CYP1A1: variants seen among roughly 807,000 people sequenced by gnomAD.
The protein encoded by CYP1A1 is cytochrome P450 1A1.
Under a neutral mutation model 33.6 loss-of-function variants are expected in CYP1A1, and 43 were observed. The observed-to-expected ratio is 1.28, with a 90% CI of 1.00 to 1.65. The LOEUF is 1.65. Among genes scored for constraint, CYP1A1 ranks in the 40% most tolerant of loss-of-function variants. The probability of loss-of-function intolerance (pLI) is 0.00; values close to 1 mark genes in which losing one functional copy is unlikely to be tolerated. For missense variants in CYP1A1, 637 were observed against 653.7 expected (o/e 0.97, Z 0.28); for synonymous variants, 280 against 257.8 (o/e 1.09, Z -0.83).
In CYP1A1 at chr15:74,720,527, C is replaced by T; in HGVS notation, c.1501G>A (p.Ala501Thr). The T allele has an allele frequency of 6.3e-7, 1 of 1,596,834 alleles. No individual in the cohort carries two copies. Among genetic ancestry groups the T allele is most frequent in the South Asian group, 1.1e-5 (1 of 87,256 alleles). ...TGCATTTGGAAGTGCTCACAGCAGGCATGCTTCATGGTTAGCCCATAGATG... is the reference window on the plus strand; with the variant it reads ...TGCATTTGGAAGTGCTCACAGCAGGTATGCTTCATGGTTAGCCCATAGATG... ...TPIYGLTMKHACCEHFQMQLR... is the reference protein window; with the variant it reads ...TPIYGLTMKHTCCEHFQMQLR... Residue 501 changes from alanine to threonine, a missense_variant, in exon 7 of 7, where the codon GCC becomes ACC. By Grantham distance (58) the Ala-to-Thr change is moderately conservative. Coordinates refer to ENST00000379727, the MANE Select transcript of CYP1A1 (RefSeq NM_001319217.2).
rs759604228 is a variant in CYP1A1, at chr15:74,721,277, G to A, written c.1088C>T (p.Ser363Phe). ...RSRRPRLSDR[S>F]HLPYMEAFIL... Reference sequence around the variant, plus strand: ...GAAGGCCTCCATATAGGGCAGATGGGATCTGTCAGAGAGCCGGGGCCGCCG... The same window carrying A: ...GAAGGCCTCCATATAGGGCAGATGGAATCTGTCAGAGAGCCGGGGCCGCCG... Residue 363 changes from serine (S) to phenylalanine (F), a missense_variant, in exon 5 of 7, where the codon TCC becomes TTC. Physicochemically the swap from Ser to Phe is radical, Grantham distance 155 (BLOSUM62 -2). Coordinates refer to ENST00000379727, the MANE Select transcript of CYP1A1 (RefSeq NM_001319217.2). 2 of 1,613,874 alleles carry A rather than the reference G, an allele frequency of 1.2e-6. No homozygotes were observed. Among genetic ancestry groups the A allele is most frequent in the Non-Finnish European group, 1.7e-6 (2 of 1,179,890 alleles).
intron 1 of CYP1A1, among the ~76,000 whole-genome samples, chr15:74,724,055 A>C (rs2063195179): frequency 6.6e-6 from 1 of 152,196 alleles, no homozygotes; most frequent in Admixed American, 6.5e-5. Context: ...GTTTAAAGGC[A>C]GCTGGAGACC....
intron 2 of CYP1A1, 121 bp from the exon 3 acceptor site, chr15:74,721,838 T>C: frequency 7.7e-7 from 1 of 1,291,506 alleles, no homozygotes; most frequent in East Asian, 2.3e-5. Flanking sequence ...CCTGAGGCTG[T>C]TGTCCCAGCT....
In CYP1A1 at chr15:74,722,711, T is replaced by C. The variant is rs760732132; in HGVS notation, c.387A>G (p.Pro129=). The C allele has an allele frequency of 6.2e-7, 1 of 1,613,316 alleles. No homozygotes were observed. Among genetic ancestry groups the C allele is most frequent in the African/African-American group, 1.3e-5 (1 of 75,036 alleles). The change falls in exon 2 of 7, where the codon CCA becomes CCG. Residue 129 remains proline, a synonymous_variant. Coordinates refer to ENST00000379727, the MANE Select transcript of CYP1A1 (RefSeq NM_001319217.2). Reference sequence around the variant, plus strand: ...CCAGGCGCCGGCGGGCAGCCCACACTGGTCCAGAGTCTGGGCTGAAGGACA... The same window carrying C: ...CCAGGCGCCGGCGGGCAGCCCACACCGGTCCAGAGTCTGGGCTGAAGGACA... The part of the protein sequence containing the change: ...QSMSFSPDSG[P]VWAARRRLAQ...
chr15:74,722,691 C>T lies in CYP1A1; in HGVS notation c.407G>A (p.Arg136His), dbSNP rs202201538. 2.6e-5 allele frequency: 42 copies of T among 1,613,290 alleles called. No individual in the cohort carries two copies. The highest frequency in any genetic ancestry group is 1.0e-4 in the Admixed American group (6 of 60,000). ...ACTTTTCAGGCCATTCTGGGCCAGG[C>T]GCCGGCGGGCAGCCCACACTGGTCC... ...DSGPVWAARR[R>H]LAQNGLKSFS... is the part of the protein sequence containing the mutation. The change falls in exon 2 of 7, where the codon CGC becomes CAC. Residue 136 changes from arginine (R) to histidine (H), a missense_variant. Transcript: ENST00000379727.
chr15:74,721,835 C>G, intron 2 of CYP1A1, 118 bp from the exon 3 acceptor site: 2 of 1,345,136 alleles, frequency 1.5e-6, no homozygotes, highest in Middle Eastern at 2.1e-4. Context: ...CCCCCTGAGG[C>G]TGTTGTCCCA....
chr15:74,722,416 C>A lies in CYP1A1; in HGVS notation c.682G>T (p.Val228Phe), dbSNP rs1198650373. The A allele has an allele frequency of 1.2e-6, 2 of 1,613,946 alleles. No homozygotes were observed. Among genetic ancestry groups the A allele is most frequent in the Non-Finnish European group, 8.5e-7 (1 of 1,180,014 alleles). ...VNLNNNFGEVVGSGNPADFIP... is the reference protein window; with the variant it reads ...VNLNNNFGEVFGSGNPADFIP... Reference sequence around the variant, plus strand: ...AAGTCAGCTGGGTTTCCAGAGCCAACCACCTCCCCGAAATTATTATTCAGG... The same window carrying A: ...AAGTCAGCTGGGTTTCCAGAGCCAAACACCTCCCCGAAATTATTATTCAGG... Residue 228 changes from valine to phenylalanine, a missense_variant, in exon 2 of 7, where the codon GTT becomes TTT. Val to Phe is a conservative substitution (Grantham distance 50, BLOSUM62 -1). Coordinates refer to ENST00000379727, the MANE Select transcript of CYP1A1 (RefSeq NM_001319217.2).
At chr15:74,723,328 C>A (rs956913607) in intron 1 of CYP1A1, among the ~76,000 whole-genome samples, 26 of 152,230 alleles carry the variant, frequency 1.7e-4, no homozygotes, top group African/African-American at 6.3e-4. Context: ...TCAGCCCTGG[C>A]CACAAATCTA....
Position 74,723,075 on chromosome 15 carries a change from G to A in CYP1A1, c.23C>T (p.Ser8Leu), listed in dbSNP as rs148505285. ...AGAGGCCAGAAGAAACTCCGTGGCCGACATGGAGATTGGGAAAAGCATGAT... is the reference window on the plus strand; with the variant it reads ...AGAGGCCAGAAGAAACTCCGTGGCCAACATGGAGATTGGGAAAAGCATGAT... MLFPISM[S>L]ATEFLLASVI... is the part of the protein sequence containing the mutation. Residue 8 changes from serine to leucine, a missense_variant, in exon 2 of 7, where the codon TCG (serine) becomes TTG (leucine). Coordinates refer to ENST00000379727, the MANE Select transcript of CYP1A1 (RefSeq NM_001319217.2). 1.2e-4 allele frequency: 188 copies of A among 1,592,600 alleles called. No individual in the cohort carries two copies. In the South Asian group the frequency reaches 1.3e-3, roughly 11 times the overall value.
rs771243368 is a variant in CYP1A1 at position 74,720,596 on chromosome 15, C to T, written c.1432G>A (p.Val478Met). 2.5e-6 allele frequency: 4 copies of T among 1,613,948 alleles called. No individual in the cohort carries two copies. Among genetic ancestry groups the T allele is most frequent in the Non-Finnish European group, 3.4e-6 (4 of 1,179,940 alleles). ...ACGCCCAGTGGCACGCTGAATTCCA[C>T]CCGTTGCAGCAGGATAGCCAGGAAG... Reference protein sequence around the residue: ...FLFLAILLQRVEFSVPLGVKV... With the variant: ...FLFLAILLQRMEFSVPLGVKV... The change falls in exon 7 of 7, where the codon GTG becomes ATG. Residue 478 changes from valine (V) to methionine (M), a missense_variant. Val to Met is a conservative substitution (Grantham distance 21, BLOSUM62 1). Transcript: ENST00000379727.
In CYP1A1 at chr15:74,723,006, G is replaced by A; in HGVS notation, c.92C>T (p.Pro31Leu). ...LVFWVIRASRPQVPKGLKNPP... is the reference protein window; with the variant it reads ...LVFWVIRASRLQVPKGLKNPP... ...ATTCTTCAGGCCTTTGGGGACCTGA[G>A]GTCTTGAGGCCCTGATTACCCAGAA... Residue 31 changes from proline (P) to leucine (L), a missense_variant, in exon 2 of 7, where the codon CCT becomes CTT. Coordinates refer to ENST00000379727, the MANE Select transcript of CYP1A1 (RefSeq NM_001319217.2). 2 of 1,613,958 alleles carry A rather than the reference G, an allele frequency of 1.2e-6. No homozygotes were observed. Among genetic ancestry groups the A allele is most frequent in the Non-Finnish European group, 1.7e-6 (2 of 1,179,896 alleles).
At position 74,722,701 on chromosome 15, in the gene CYP1A1, C is replaced by G. The variant is rs1347414882; in HGVS notation, c.397G>C (p.Ala133Pro). ...CCATTCTGGGCCAGGCGCCGGCGGG[C>G]AGCCCACACTGGTCCAGAGTCTGGG... ...FSPDSGPVWA[A>P]RRRLAQNGLK... The change falls in exon 2 of 7, where the codon GCC becomes CCC. Residue 133 changes from alanine to proline, a missense_variant. Physicochemically the swap from Ala to Pro is conservative, Grantham distance 27. Coordinates refer to ENST00000379727, the MANE Select transcript of CYP1A1 (RefSeq NM_001319217.2). 6.2e-7 allele frequency: 1 copy of G among 1,613,224 alleles called. No homozygotes were observed. Among genetic ancestry groups the G allele is most frequent in the Admixed American group, 1.7e-5 (1 of 60,032 alleles).
chr15:74,722,166 C>T (rs1050231399), intron 2 of CYP1A1, 107 bp downstream of exon 2: 6 of 878,338 alleles, frequency 6.8e-6, no homozygotes, highest in Non-Finnish European at 7.1e-6. Flanking sequence ...CAGGTTGAAG[C>T]CTTCCTGAGA....
intron 6 of CYP1A1, 69 bp downstream of exon 6, chr15:74,720,897 TG>T: frequency 1.1e-5 from 18 of 1,573,616 alleles, no homozygotes; most frequent in Non-Finnish European, 1.6e-5. Context: ...ATCAATGCAA[TG>T]ATTGTATTAA....
At chr15:74,721,375 C>A (rs2063168631) in intron 4 of CYP1A1, 39 bp downstream of exon 4, 1 of 1,614,058 alleles carries the variant, frequency 6.2e-7, no homozygotes, top group Non-Finnish European at 8.5e-7. Context: ...CCTGGCCAGA[C>A]CCCTGGCACT....
In CYP1A1 at chr15:74,722,781, C is replaced by A. The variant is rs770734367; in HGVS notation, c.317G>T (p.Arg106Leu). 17 of 1,578,142 alleles carry A rather than the reference C, an allele frequency of 1.1e-5. No homozygotes were observed. The highest frequency in any genetic ancestry group is 1.4e-5 in the Non-Finnish European group (16 of 1,162,286). The change falls in exon 2 of 7, where the codon CGG becomes CTG. Residue 106 changes from arginine (R) to leucine (L), a missense_variant. Physicochemically the swap from Arg to Leu is moderately radical, Grantham distance 102. Transcript: ENST00000379727. The stretch of plus-strand genomic sequence containing the variant: ...GAGGGTGAAGGTGTAGAGGTCGGGC[C>A]GGCCCTTGAAATCATCGCCCTGCCG... Reference protein sequence around the residue: ...LVRQGDDFKGRPDLYTFTLIS... With the variant: ...LVRQGDDFKGLPDLYTFTLIS...
Position 74,720,638 on chromosome 15 carries a change from G to T in CYP1A1, c.1390C>A (p.Arg464Ser), listed in dbSNP as rs41279188. Residue 464 changes from arginine (R) to serine (S), a missense_variant, in exon 7 of 7, where the codon CGC becomes AGC. Physicochemically the swap from Arg to Ser is moderately radical, Grantham distance 110. Coordinates refer to ENST00000379727, the MANE Select transcript of CYP1A1 (RefSeq NM_001319217.2). ...KRKCIGETIA[R>S]WEVFLFLAIL... ...GCCAGGAAGAGAAAGACCTCCCAGC[G>T]GGCAATGGTCTCACCGATACACTTC... 7.0e-3 allele frequency: 11,328 copies of T among 1,614,134 alleles called. 53 individuals carry two copies. Among genetic ancestry groups the T allele is most frequent in the Non-Finnish European group, 9.0e-3 (10,679 of 1,180,014 alleles).
In CYP1A1 at chr15:74,720,412, C is replaced by T; in HGVS notation, c.*77G>A. ...ATGAGTTTCAGGCTGAACCTTAGACCACATAGGCCAGCCTGCTGGTCTGGC... is the reference window on the plus strand; with the variant it reads ...ATGAGTTTCAGGCTGAACCTTAGACTACATAGGCCAGCCTGCTGGTCTGGC... On this transcript the variant is annotated 3_prime_UTR_variant, in exon 7 of 7. Transcript: ENST00000379727. 1 of 1,468,116 alleles carries T rather than the reference C, an allele frequency of 6.8e-7. No homozygotes were observed. The highest frequency in any genetic ancestry group is 9.1e-7 in the Non-Finnish European group (1 of 1,094,850). 90.9% of individuals were successfully genotyped at this position (1,468,116 alleles called of 1,614,324 possible).
rs781425756 is a variant in CYP1A1 at position 74,721,025 on chromosome 15, AG to A, written c.1194del (p.Tyr400ThrfsTer10). The A allele has an allele frequency of 3.7e-6, 6 of 1,614,088 alleles. No individual in the cohort carries two copies. The South Asian group carries it at 4.4e-5, about 12-fold the overall frequency. On this transcript the variant is annotated frameshift_variant, in exon 6 of 7. Coordinates refer to ENST00000379727, the MANE Select transcript of CYP1A1 (RefSeq NM_001319217.2). LOFTEE classifies it high-confidence loss of function. The part of the protein sequence containing the change: ...HSTTRDTSLK[G>X]FYIPKGRCVF... ...ACACAACGCCCCTTGGGGATGTAAA[AG>A]CCTTTCAAACTTGTGTCTCTTGTTG...
Sources: gnomAD v4.1 joint callset for allele counts (sites outside exome capture counted in the v4.1 genomes callset) on GRCh38, gnomAD v4.1.1 for gene constraint, MANE v1.5 for transcripts, NCBI Gene and HGNC (gene_info 2026-07-23, HGNC 2026-07-21) for gene names.